Variants in SCHIP1 observed in about 807,000 individuals in gnomAD.
The protein encoded by SCHIP1 is schwannomin-interacting protein 1.
In SCHIP1, 8 loss-of-function variants were observed where a neutral mutation model predicts 29.7. The observed-to-expected ratio is 0.27, with a 90% CI of 0.16 to 0.49. SCHIP1 has a LOEUF of 0.49. Among genes scored for constraint, SCHIP1 ranks in the 20% least tolerant of loss-of-function variants. The pLI, the probability that SCHIP1 is intolerant of heterozygous loss-of-function variation, is 0.99. For missense variants in SCHIP1, 193 were observed against 294.6 expected, an observed-to-expected ratio of 0.66 and a Z score of 2.52; for synonymous variants, 76 against 94.9, an observed-to-expected ratio of 0.80 and a Z score of 1.16.
At chr3:159,736,757 CGGAGTCTCG>C in the SCHIP1 span, among the ~76,000 whole-genome samples, 567 of 148,736 alleles carry the variant, frequency 3.8e-3, 16 homozygotes, top group Admixed American at 0.035. Flanking sequence ...TTTTTTGAGA[CGGAGTCTCG>C]CTCTGTCGCC....
chr3:159,745,109 A>T, the SCHIP1 span, among the ~76,000 whole-genome samples: 1 of 152,144 alleles, frequency 6.6e-6, no homozygotes, highest in South Asian at 2.1e-4. Flanking sequence ...AGGCCTGTTC[A>T]TTACACTCTG....
At chr3:159,773,995 C>T in the SCHIP1 span, among the ~76,000 whole-genome samples, 2 of 152,116 alleles carry the variant, frequency 1.3e-5, no homozygotes, top group Non-Finnish European at 2.9e-5. Flanking sequence ...CTTCTTATTC[C>T]GACTTGTATG....
the SCHIP1 span, among the ~76,000 whole-genome samples, chr3:159,340,673 CCTCT>C: frequency 6.6e-6 from 1 of 152,060 alleles, no homozygotes; most frequent in Non-Finnish European, 1.5e-5. Flanking sequence ...GTTATTTTCA[CCTCT>C]CTCTTGGAAA....
the SCHIP1 span, among the ~76,000 whole-genome samples, chr3:159,448,477 G>GA: frequency 6.6e-6 from 1 of 151,722 alleles, no homozygotes; most frequent in African/African-American, 2.4e-5. Flanking sequence ...CTCAAAGAAA[G>GA]AAAAAAAAGT....
At chr3:159,353,190 A>T in the SCHIP1 span, among the ~76,000 whole-genome samples, 1 of 152,178 alleles carries the variant, frequency 6.6e-6, no homozygotes, top group Non-Finnish European at 1.5e-5. Context: ...GAGGGATAGC[A>T]TTAGGAGATA....
chr3:159,650,254 T>G, the SCHIP1 span, among the ~76,000 whole-genome samples: 1 of 152,074 alleles, frequency 6.6e-6, no homozygotes, highest in Non-Finnish European at 1.5e-5. Context: ...GCTCTATATT[T>G]GAAATAATGA....
the SCHIP1 span, among the ~76,000 whole-genome samples, chr3:159,654,382 T>G: frequency 6.6e-6 from 1 of 152,176 alleles, no homozygotes; most frequent in African/African-American, 2.4e-5. Flanking sequence ...CCATTTAATT[T>G]GCTGAGTCAC....
chr3:159,712,826 G>A, the SCHIP1 span, among the ~76,000 whole-genome samples: 1 of 148,594 alleles, frequency 6.7e-6, no homozygotes, highest in Non-Finnish European at 1.5e-5. Flanking sequence ...AGAAAGAAGA[G>A]AGAAAGAAAG....
chr3:159,617,924 C>T, the SCHIP1 span, among the ~76,000 whole-genome samples: 1 of 152,118 alleles, frequency 6.6e-6, no homozygotes, highest in Non-Finnish European at 1.5e-5. Flanking sequence ...AAGAGTTCAC[C>T]CTTCCCCTTA....
the SCHIP1 span, among the ~76,000 whole-genome samples, chr3:159,575,338 C>CT: frequency 5.3e-5 from 8 of 152,236 alleles, no homozygotes; most frequent in South Asian, 4.1e-4. Context: ...ATTTTCTATG[C>CT]TTTTTTCCCC....
the SCHIP1 span, among the ~76,000 whole-genome samples, chr3:159,428,539 G>A: frequency 9.9e-5 from 15 of 152,068 alleles, no homozygotes; most frequent in African/African-American, 3.4e-4. Flanking sequence ...TAAAAGGTCA[G>A]GAAACAACAG....
the SCHIP1 span, among the ~76,000 whole-genome samples, chr3:159,715,497 A>C: frequency 5.3e-5 from 8 of 152,154 alleles, no homozygotes; most frequent in Non-Finnish European, 1.0e-4. Flanking sequence ...GAAGCTAAAA[A>C]CCTTGAAAAA....
the SCHIP1 span, among the ~76,000 whole-genome samples, chr3:159,390,815 A>G: frequency 6.9e-6 from 1 of 143,998 alleles, no homozygotes; most frequent in African/African-American, 2.5e-5. Context: ...CATGCAGCCA[A>G]TTCATTCATT....
the SCHIP1 span, among the ~76,000 whole-genome samples, chr3:159,392,264 T>A: frequency 6.6e-6 from 1 of 152,296 alleles, no homozygotes; most frequent in East Asian, 1.9e-4. Context: ...TATGATTACA[T>A]GTAAACATGG....
chr3:159,666,868 T>C, the SCHIP1 span, among the ~76,000 whole-genome samples: 3 of 152,218 alleles, frequency 2.0e-5, no homozygotes, highest in African/African-American at 7.2e-5. Context: ...CTACCAAACC[T>C]GCCCGATGTC....
At chr3:159,680,732 TATAC>T in the SCHIP1 span, among the ~76,000 whole-genome samples, 10 of 103,128 alleles carry the variant, frequency 9.7e-5, no homozygotes, top group Admixed American at 5.9e-4. Context: ...ATATATATAA[TATAC>T]ATATATAATA....
the SCHIP1 span, among the ~76,000 whole-genome samples, chr3:159,320,431 G>A: frequency 6.5e-4 from 99 of 152,152 alleles, no homozygotes; most frequent in Admixed American, 2.0e-3. Flanking sequence ...ACAAATTTCC[G>A]TTGTTTATAA....
the SCHIP1 span, among the ~76,000 whole-genome samples, chr3:159,543,552 CT>C: frequency 0.023 from 3,473 of 151,152 alleles, 125 homozygotes; most frequent in African/African-American, 0.08. Context: ...TGAACTCATC[CT>C]TTTTTATGGC....
Position 159,861,681 on chromosome 3 carries a change from G to A in SCHIP1, c.31-4482G>A, listed in dbSNP as rs1299696643. 1.3e-5 allele frequency among the ~76,000 whole-genome samples: 2 copies of A among 152,192 alleles called. No homozygotes were observed. Among genetic ancestry groups the A allele is most frequent in the Admixed American group, 1.3e-4 (2 of 15,288 alleles). On this transcript the variant is annotated intron_variant, in intron 1 of 6. Coordinates refer to ENST00000445224, the Ensembl canonical transcript of SCHIP1. This position sits in a 1 kb window ranked among gnomAD's most constrained non-coding sequence, Gnocchi z 4.1. Reference sequence around the variant, plus strand: ...GCTTGAATAGCTTTTCTGCCTGATAGTGATGAGCCCTGTTCCTCAGTTGCC... The same window carrying A: ...GCTTGAATAGCTTTTCTGCCTGATAATGATGAGCCCTGTTCCTCAGTTGCC...
Sources: gnomAD v4.1 joint callset for allele counts (sites outside exome capture counted in the v4.1 genomes callset) on GRCh38, gnomAD v4.1.1 for gene constraint, Gnocchi (gnomAD v3.1) non-coding constraint, MANE v1.5 for transcripts, NCBI Gene and HGNC (gene_info 2026-07-23, HGNC 2026-07-21) for gene names.